Variants in VSTM2B observed in about 807,000 individuals in gnomAD.
VSTM2B encodes the protein V-set and transmembrane domain-containing protein 2B.
A neutral mutation model predicts 24.0 loss-of-function variants in VSTM2B; 24 were observed. That is an observed-to-expected ratio of 1.00 (90% confidence interval 0.72 to 1.40). The LOEUF is 1.40. VSTM2B is among the 40% of genes most tolerant of loss of function. The pLI, the probability that VSTM2B is intolerant of heterozygous loss-of-function variation, is 0.00. For missense variants in VSTM2B, 399 were observed against 416.4 expected, an observed-to-expected ratio of 0.96 and a Z score of 0.36; for synonymous variants, 226 against 194.4, an observed-to-expected ratio of 1.16 and a Z score of -1.35.
intron 4 of VSTM2B, among the ~76,000 whole-genome samples, chr19:29,562,545 G>A (rs1281449659): frequency 6.6e-6 from 1 of 152,174 alleles, no homozygotes; most frequent in Admixed American, 6.5e-5. Flanking sequence ...GAGAAGGGAG[G>A]AGAGAGGCCT....
intron 4 of VSTM2B, among the ~76,000 whole-genome samples, chr19:29,540,189 T>C (rs1313317729): frequency 6.6e-6 from 1 of 152,204 alleles, no homozygotes; most frequent in Non-Finnish European, 1.5e-5. Flanking sequence ...GGGGTGGGGA[T>C]TCCTGGTCTG....
Position 29,526,661 on chromosome 19 carries a change from C to A in VSTM2B, c.78C>A (p.Ala26=), listed in dbSNP as rs1251169642. Residue 26 remains alanine, a synonymous_variant, in exon 1 of 5, where the codon GCC becomes GCA. Transcript: ENST00000335523. The surrounding 1 kb of genome is among the most constrained non-coding windows in gnomAD (Gnocchi z 4.1). ...LLLHALLLFV[A]DAAFTEVPKD... Reference sequence around the variant, plus strand: ...TGCATGCCCTGCTGCTCTTCGTGGCCGACGGTGAGCGCGGGAACTTTGCTG... The same window carrying A: ...TGCATGCCCTGCTGCTCTTCGTGGCAGACGGTGAGCGCGGGAACTTTGCTG... The A allele has an allele frequency of 2.0e-6, 3 of 1,528,242 alleles. No individual in the cohort carries two copies. Among genetic ancestry groups the A allele is most frequent in the African/African-American group, 2.8e-5 (2 of 72,224 alleles). The allele number at this position is 1,528,242 out of a possible 1,614,324, so 94.7% of individuals were successfully genotyped here.
chr19:29,538,793 A>G (rs1367079766), intron 4 of VSTM2B, among the ~76,000 whole-genome samples: 1 of 152,134 alleles, frequency 6.6e-6, no homozygotes, highest in African/African-American at 2.4e-5. Context: ...GTGAAGTAAC[A>G]GAGTAGGAAC....
chr19:29,552,902 G>A (rs969974385), intron 4 of VSTM2B, among the ~76,000 whole-genome samples: 8 of 152,190 alleles, frequency 5.3e-5, no homozygotes, highest in African/African-American at 1.9e-4. Flanking sequence ...CTCACCTGGT[G>A]GGGCCTCCCT....
chr19:29,555,123 A>T (rs555524086), intron 4 of VSTM2B, among the ~76,000 whole-genome samples: 2 of 152,340 alleles, frequency 1.3e-5, no homozygotes, highest in African/African-American at 4.8e-5. Context: ...TCTTGGTGAC[A>T]CATGGCACTT....
At chr19:29,547,346 TA>T (rs1970178402) in intron 4 of VSTM2B, among the ~76,000 whole-genome samples, 1 of 152,006 alleles carries the variant, frequency 6.6e-6, no homozygotes, top group African/African-American at 2.4e-5. Flanking sequence ...AAAATAGGAG[TA>T]AAAGTAACTC....
At chr19:29,556,302 G>C (rs1970408034) in intron 4 of VSTM2B, among the ~76,000 whole-genome samples, 1 of 152,128 alleles carries the variant, frequency 6.6e-6, no homozygotes. Context: ...TATCTCAATA[G>C]ACATAGAAAA....
In VSTM2B at chr19:29,564,464, A is replaced by G. The variant is rs1279695976; in HGVS notation, c.*530A>G. 2 of 152,446 alleles carry G rather than the reference A, an allele frequency of 1.3e-5. No individual in the cohort carries two copies. 9.4% of individuals were successfully genotyped at this position (152,446 alleles called of 1,614,324 possible). A position where few individuals can be genotyped will look rare whatever the true frequency, so the allele number is the denominator to read the frequency against. On this transcript the variant is annotated 3_prime_UTR_variant, in exon 5 of 5. Coordinates refer to ENST00000335523, the MANE Select transcript of VSTM2B (RefSeq NM_001146339.2). The stretch of plus-strand genomic sequence containing the variant: ...CTGTCAATAATATTTATTTTTAAAT[A>G]AAGATTGGAAACAAGGTCAGACACT...
chr19:29,544,389 G>A (rs1179718265), intron 4 of VSTM2B, among the ~76,000 whole-genome samples: 1 of 151,508 alleles, frequency 6.6e-6, no homozygotes, highest in African/African-American at 2.4e-5. Flanking sequence ...AGCCGGGCTT[G>A]GTGGCGGGCA....
chr19:29,534,463 A>C (rs11668410), intron 4 of VSTM2B, among the ~76,000 whole-genome samples: 48,837 of 152,032 alleles, frequency 0.32, 8,567 homozygotes, highest in African/African-American at 0.44. Flanking sequence ...GCCTGTAATC[A>C]CAGCACTTTG....
chr19:29,532,373 C>T (rs1043361650), intron 4 of VSTM2B, among the ~76,000 whole-genome samples: 2 of 152,102 alleles, frequency 1.3e-5, no homozygotes, highest in Non-Finnish European at 2.9e-5. Context: ...CGTGACTCTT[C>T]GAGGAGTTAG....
intron 4 of VSTM2B, among the ~76,000 whole-genome samples, chr19:29,539,964 C>G (rs1368737910): frequency 1.3e-5 from 2 of 152,268 alleles, no homozygotes; most frequent in Non-Finnish European, 2.9e-5. Context: ...AGAGAGCCTT[C>G]CCTCTGCTGA....
chr19:29,526,503 C>T lies in VSTM2B; in HGVS notation c.-81C>T. On this transcript the variant is annotated 5_prime_UTR_variant, in exon 1 of 5. Coordinates refer to ENST00000335523, the MANE Select transcript of VSTM2B (RefSeq NM_001146339.2). The surrounding 1 kb of genome is among the most constrained non-coding windows in gnomAD (Gnocchi z 4.1). ...TGGCAGGCTCGGAGGCGTCCTAGCC[C>T]GAGCCGGAGCCGATCCGAGCCCACG... The T allele has an allele frequency of 5.9e-6, 7 of 1,178,626 alleles. No homozygotes were observed. Among genetic ancestry groups the T allele is most frequent in the Non-Finnish European group, 7.9e-6 (7 of 886,664 alleles). 73.0% of individuals were successfully genotyped at this position (1,178,626 alleles called of 1,614,324 possible). A position where few individuals can be genotyped will look rare whatever the true frequency, so the allele number is the denominator to read the frequency against.
intron 3 of VSTM2B, among the ~76,000 whole-genome samples, chr19:29,529,455 G>T (rs998816939): frequency 2.0e-5 from 3 of 152,212 alleles, no homozygotes; most frequent in Non-Finnish European, 4.4e-5. Flanking sequence ...AATCCAGCCT[G>T]GGGTTTCCTG....
At chr19:29,549,662 G>A (rs913812970) in intron 4 of VSTM2B, among the ~76,000 whole-genome samples, 44 of 152,122 alleles carry the variant, frequency 2.9e-4, no homozygotes, top group Non-Finnish European at 6.5e-4. Flanking sequence ...GCCCTGACAC[G>A]GGCCTTGGCA....
intron 4 of VSTM2B, among the ~76,000 whole-genome samples, chr19:29,561,671 A>C (rs990732525): frequency 3.3e-5 from 5 of 152,192 alleles, no homozygotes; most frequent in African/African-American, 1.2e-4. Context: ...TGTGAGGCCC[A>C]TGGGACCAGT....
chr19:29,527,275 C>T lies in VSTM2B; in HGVS notation c.147C>T (p.Cys49=), dbSNP rs367744282. ...VREGDDIEMP[C]AFRASGATSY... ...AGGGAGACGACATCGAAATGCCCTG[C>T]GCGTTCCGGGCCAGCGGAGCCACCT... The change falls in exon 2 of 5, where the codon TGC becomes TGT. Residue 49 remains cysteine (C), a synonymous_variant. Transcript: ENST00000335523. 1.5e-4 allele frequency: 228 copies of T among 1,550,508 alleles called. 1 individual carries two copies. The African/African-American group carries it at 2.8e-3, about 19-fold the overall frequency.
At chr19:29,532,888 G>A (rs1969793033) in intron 4 of VSTM2B, among the ~76,000 whole-genome samples, 1 of 152,242 alleles carries the variant, frequency 6.6e-6, no homozygotes, top group South Asian at 2.1e-4. Flanking sequence ...ATAGATCTTT[G>A]AGAGTGGACT....
At chr19:29,558,539 A>T (rs1970462376) in intron 4 of VSTM2B, among the ~76,000 whole-genome samples, 3 of 152,240 alleles carry the variant, frequency 2.0e-5, no homozygotes. Context: ...CATAAAAAGG[A>T]ATGAGATCAT....
Sources: gnomAD v4.1 joint callset for allele counts (sites outside exome capture counted in the v4.1 genomes callset) on GRCh38, gnomAD v4.1.1 for gene constraint, Gnocchi (gnomAD v3.1) non-coding constraint, MANE v1.5 for transcripts, NCBI Gene and HGNC (gene_info 2026-07-23, HGNC 2026-07-21) for gene names.